The following RNFT2 variants were observed in gnomAD, a reference collection of about 807,000 sequenced individuals.
The protein encoded by RNFT2 is ring finger protein, transmembrane 2.
In RNFT2, 36 loss-of-function variants were observed where a neutral mutation model predicts 53.0. That is an observed-to-expected ratio of 0.68 (90% CI 0.52 to 0.90). RNFT2 has a LOEUF of 0.90. Ranked by LOEUF, RNFT2 falls within the 40% of genes least tolerant of loss-of-function variation. The pLI, the probability that RNFT2 is intolerant of heterozygous loss-of-function variation, is 0.00. For synonymous variants in RNFT2, 260 were observed against 253.2 expected (o/e 1.03, Z -0.26); for missense variants, 514 against 585.6 (o/e 0.88, Z 1.26).
intron 9 of RNFT2, 45 bp downstream of exon 9, chr12:116,836,070 G>A: frequency 6.2e-7 from 1 of 1,611,452 alleles, no homozygotes; most frequent in African/African-American, 1.3e-5. Context: ...TGAGAATCAG[G>A]AACTGGAAAC....
At chr12:116,798,367 G>A (rs998700255) in intron 7 of RNFT2, among the ~76,000 whole-genome samples, 5 of 152,146 alleles carry the variant, frequency 3.3e-5, no homozygotes, top group African/African-American at 9.6e-5. Context: ...GAGATTGTTC[G>A]GATAAATACA....
In RNFT2 at chr12:116,767,665, C is replaced by T. The variant is rs192498043; in HGVS notation, c.728+751C>T. ...CACGATCTCAGCTCACTGCAATCTC[C>T]GCCTCCCAGGTTCAAGCAGTTCTCC... On this transcript the variant is annotated intron_variant, in intron 6 of 10. Coordinates refer to ENST00000257575, the MANE Select transcript of RNFT2 (RefSeq NM_001382266.1). Among the ~76,000 whole-genome samples the T allele has an allele frequency of 3.0e-4, 46 of 152,010 alleles. No homozygotes were observed. The East Asian group carries it at 5.1e-3, about 17-fold the overall frequency.
intron 7 of RNFT2, among the ~76,000 whole-genome samples, chr12:116,821,863 C>CTGGAGTGCATGGAGTGCA (rs138742377): frequency 2.2e-4 from 26 of 116,360 alleles, no homozygotes; most frequent in African/African-American, 7.4e-4. Context: ...GTCGCCCAGG[C>CTGGAGTGCATGGAGTGCA]TGGAGTGCAT....
intron 8 of RNFT2, among the ~76,000 whole-genome samples, chr12:116,834,459 G>A (rs1351867730): frequency 6.6e-6 from 1 of 152,074 alleles, no homozygotes; most frequent in Non-Finnish European, 1.5e-5. Flanking sequence ...ATGGCATTGA[G>A]CGGATTCACA....
chr12:116,834,294 T>C (rs1193906743), intron 8 of RNFT2, among the ~76,000 whole-genome samples: 1 of 152,072 alleles, frequency 6.6e-6, no homozygotes, highest in African/African-American at 2.4e-5. Context: ...ATTTTTTGTA[T>C]ATTTAGTAGA....
At chr12:116,767,250 C>T (rs1479291129) in intron 6 of RNFT2, among the ~76,000 whole-genome samples, 1 of 152,002 alleles carries the variant, frequency 6.6e-6, no homozygotes, top group Non-Finnish European at 1.5e-5. Flanking sequence ...GAGACAGGAT[C>T]TCACTGCATC....
intron 2 of RNFT2, 123 bp downstream of exon 2, chr12:116,740,644 AG>A: frequency 1.1e-6 from 1 of 900,254 alleles, no homozygotes; most frequent in Non-Finnish European, 1.8e-6. Context: ...CTGAACCCAC[AG>A]AGGGGTTACT....
Position 116,852,396 on chromosome 12 carries a change from C to T in RNFT2, c.*2948C>T. 1 of 1,287,384 alleles carries T rather than the reference C, an allele frequency of 7.8e-7. No individual in the cohort carries two copies. The highest frequency in any genetic ancestry group is 1.0e-6 in the Non-Finnish European group (1 of 1,003,668). 79.7% of individuals were successfully genotyped at this position (1,287,384 alleles called of 1,614,324 possible). ...CAGGACTTTCCCCTTGGCTTGGCAT[C>T]CCTGGCTCTCTCCTGGTACCCAGCA... On this transcript the variant is annotated 3_prime_UTR_variant, in exon 11 of 11. Transcript: ENST00000257575.
intron 7 of RNFT2, among the ~76,000 whole-genome samples, chr12:116,781,382 T>C (rs543152892): frequency 6.6e-6 from 1 of 152,304 alleles, no homozygotes; most frequent in African/African-American, 2.4e-5. Flanking sequence ...GAGGTATTTA[T>C]TCCCCCAGCA....
chr12:116,829,654 A>G (rs1365255420), intron 7 of RNFT2, among the ~76,000 whole-genome samples: 2 of 152,134 alleles, frequency 1.3e-5, no homozygotes, highest in Non-Finnish European at 2.9e-5. Context: ...CACGCATACG[A>G]TGTAATCTTG....
chr12:116,808,152 T>C (rs1028076674), intron 7 of RNFT2, among the ~76,000 whole-genome samples: 1 of 152,014 alleles, frequency 6.6e-6, no homozygotes, highest in Non-Finnish European at 1.5e-5. Context: ...GTTGTAGAGA[T>C]GGGGGTTTCA....
At chr12:116,818,453 T>A (rs1435852741) in intron 7 of RNFT2, among the ~76,000 whole-genome samples, 1 of 152,194 alleles carries the variant, frequency 6.6e-6, no homozygotes, top group Non-Finnish European at 1.5e-5. Context: ...TCATGTCCCT[T>A]CCTTCCTGTC....
intron 5 of RNFT2, among the ~76,000 whole-genome samples, chr12:116,761,030 C>T (rs1872674863): frequency 6.6e-6 from 1 of 152,168 alleles, no homozygotes; most frequent in Admixed American, 6.5e-5. Flanking sequence ...GGTCTATCAC[C>T]CCTGGGTAGA....
chr12:116,754,166 T>C (rs1476157962), intron 5 of RNFT2, 106 bp downstream of exon 5: 8 of 861,854 alleles, frequency 9.3e-6, no homozygotes, highest in Non-Finnish European at 1.6e-5. Context: ...ATCATTCTTA[T>C]GCCTTTGCGT....
Position 116,843,411 on chromosome 12 carries a change from G to A in RNFT2, c.1201-5903G>A, listed in dbSNP as rs1156302537. 2.8e-5 allele frequency among the ~76,000 whole-genome samples: 4 copies of A among 142,984 alleles called. No homozygotes were observed. In the East Asian group the frequency reaches 6.4e-4, roughly 23 times the overall value. The allele number at this position is 142,984 out of a possible 152,430, so 93.8% of individuals were successfully genotyped here. A position where few individuals can be genotyped will look rare whatever the true frequency, so the allele number is the denominator to read the frequency against. ...GGAGGCTGAGGTGGGAGGATCACTC[G>A]AGCCCCAAAAGGTCGAGGCTGCAGT... On this transcript the variant is annotated intron_variant, in intron 10 of 10. Transcript: ENST00000257575.
In RNFT2 at chr12:116,769,601, T is replaced by C. The variant is rs541515067; in HGVS notation, c.728+2687T>C. Among the ~76,000 whole-genome samples the C allele has an allele frequency of 1.0e-3, 156 of 152,236 alleles. 1 individual carries two copies. Among genetic ancestry groups the C allele is most frequent in the Non-Finnish European group, 1.7e-3 (114 of 68,026 alleles). On this transcript the variant is annotated intron_variant, in intron 6 of 10. Coordinates refer to ENST00000257575, the MANE Select transcript of RNFT2 (RefSeq NM_001382266.1). ...TTATAGAATAAGGATATAAAGAAAA[T>C]ATTTCTGTACAGCTGTACAATCTGT...
chr12:116,751,738 GT>G (rs926738116), intron 4 of RNFT2, among the ~76,000 whole-genome samples: 1 of 151,526 alleles, frequency 6.6e-6, no homozygotes, highest in African/African-American at 2.4e-5. Context: ...CTTACTTACT[GT>G]TTTTTTGTTT....
chr12:116,740,621 A>T, intron 2 of RNFT2, 100 bp downstream of exon 2: 18 of 1,053,550 alleles, frequency 1.7e-5, no homozygotes, highest in Non-Finnish European at 2.3e-5. Context: ...CTCCCATGTA[A>T]CACATGGGGA....
intron 10 of RNFT2, among the ~76,000 whole-genome samples, chr12:116,839,865 C>T (rs770375146): frequency 3.2e-4 from 49 of 152,176 alleles, no homozygotes; most frequent in Middle Eastern, 3.2e-3. Flanking sequence ...TCCCACTCCA[C>T]CCACTACCCC....
Sources: gnomAD v4.1 joint callset for allele counts (sites outside exome capture counted in the v4.1 genomes callset) on GRCh38, gnomAD v4.1.1 for gene constraint, MANE v1.5 for transcripts, NCBI Gene and HGNC (gene_info 2026-07-23, HGNC 2026-07-21) for gene names.